Variants in DLEC1 observed in about 807,000 individuals in gnomAD.
DLEC1 encodes DLEC1 cilia and flagella associated protein.
A neutral mutation model predicts 198.1 loss-of-function variants in DLEC1; 146 were observed. The ratio of observed to expected loss-of-function variants is 0.74; its 90% CI spans 0.64 to 0.85. The LOEUF is 0.85. Among genes scored for constraint, DLEC1 ranks in the 40% least tolerant of loss-of-function variants. DLEC1 has a pLI of 0.00. For missense variants in DLEC1, 2,233 were observed against 2,220.0 expected, an observed-to-expected ratio of 1.01 and a Z score of -0.12; for synonymous variants, 897 against 866.8, an observed-to-expected ratio of 1.03 and a Z score of -0.61.
intron 3 of DLEC1, among the ~76,000 whole-genome samples, chr3:38,061,473 G>A (rs953189306): frequency 1.3e-5 from 2 of 152,142 alleles, no homozygotes; most frequent in East Asian, 1.9e-4. Flanking sequence ...GAGCCACTGC[G>A]CTTGGCCAGG....
chr3:38,090,369 AT>A (rs1377041852), intron 10 of DLEC1, among the ~76,000 whole-genome samples: 2 of 151,624 alleles, frequency 1.3e-5, no homozygotes, highest in Admixed American at 6.6e-5. Flanking sequence ...TTTTACCCCC[AT>A]TTTTTTCTTC....
At position 38,117,321 on chromosome 3, in the gene DLEC1, C is replaced by T. The variant is rs1177459137; in HGVS notation, c.4400+19C>T. 3.1e-6 allele frequency: 5 copies of T among 1,613,086 alleles called. No individual in the cohort carries two copies. Among genetic ancestry groups the T allele is most frequent in the African/African-American group, 1.3e-5 (1 of 74,998 alleles). ...CTGCACAGTGAGTCAGCTGGGGTGC[C>T]CCATCTCCTTTCATCCCCATGGGGT... On this transcript the variant is annotated intron_variant, in intron 31 of 36. Coordinates refer to ENST00000308059, the MANE Select transcript of DLEC1 (RefSeq NM_007335.4).
intron 16 of DLEC1, 32 bp from the exon 17 acceptor site, chr3:38,097,475 C>G: frequency 6.2e-7 from 1 of 1,612,616 alleles, no homozygotes; most frequent in Non-Finnish European, 8.5e-7. Context: ...TCTGCTTCTC[C>G]TCTCCACCTC....
At chr3:38,109,225 A>C (rs1312744303) in intron 21 of DLEC1, among the ~76,000 whole-genome samples, 2 of 152,206 alleles carry the variant, frequency 1.3e-5, no homozygotes, top group African/African-American at 4.8e-5. Context: ...TATTTGGGGC[A>C]GACTCAGACA....
At chr3:38,088,030 C>T (rs1270314933) in intron 9 of DLEC1, among the ~76,000 whole-genome samples, 1 of 152,220 alleles carries the variant, frequency 6.6e-6, no homozygotes, top group Non-Finnish European at 1.5e-5. Flanking sequence ...TGATGGTGTT[C>T]CTTGTACCTC....
intron 1 of DLEC1, among the ~76,000 whole-genome samples, chr3:38,042,329 A>G (rs966034825): frequency 6.6e-6 from 1 of 152,096 alleles, no homozygotes; most frequent in African/African-American, 2.4e-5. Flanking sequence ...CCATAGAACA[A>G]TGTTAGGATA....
At chr3:38,116,418 C>T in intron 27 of DLEC1, 35 bp from the exon 28 acceptor site, 1 of 1,612,318 alleles carries the variant, frequency 6.2e-7, no homozygotes, top group Non-Finnish European at 8.5e-7. Flanking sequence ...CTGCTCCTCC[C>T]TTATTCCTCA....
intron 11 of DLEC1, among the ~76,000 whole-genome samples, chr3:38,093,208 A>C (rs944963351): frequency 6.6e-6 from 1 of 152,164 alleles, no homozygotes; most frequent in South Asian, 2.1e-4. Context: ...GCTCACACAT[A>C]AACAGCCAGA....
At chr3:38,081,865 G>A (rs1269334072) in intron 6 of DLEC1, among the ~76,000 whole-genome samples, 13 of 141,060 alleles carry the variant, frequency 9.2e-5, no homozygotes, top group African/African-American at 2.7e-4. Context: ...CCTCCCTCCC[G>A]GATGGGGCGG....
chr3:38,122,464 C>T lies in DLEC1; in HGVS notation c.*52C>T, dbSNP rs1046114658. The T allele has an allele frequency of 6.2e-7, 1 of 1,613,734 alleles. No individual in the cohort carries two copies. The highest frequency in any genetic ancestry group is 8.5e-7 in the Non-Finnish European group (1 of 1,179,970). ...GCCCCAGCTGGAGAAAAAACATTGC[C>T]CAGGGATTAGGAGCAGCTCTTCAGC... is the stretch of plus-strand genomic sequence containing the variant. On this transcript the variant is annotated 3_prime_UTR_variant, in exon 37 of 37. Coordinates refer to ENST00000308059, the MANE Select transcript of DLEC1 (RefSeq NM_007335.4).
At chr3:38,107,781 C>A (rs2125717001) in intron 20 of DLEC1, 44 bp downstream of exon 20, 1 of 1,593,480 alleles carries the variant, frequency 6.3e-7, no homozygotes, top group Non-Finnish European at 8.6e-7. Context: ...CAGCCCTCAG[C>A]CACAGAGGCC....
In DLEC1 at chr3:38,112,293, C is replaced by T; in HGVS notation, c.3598C>T (p.Gln1200Ter). Reference protein sequence around the residue: ...FSQGMLGPYQQLCIDITGCAN... With the variant: ...FSQGMLGPYQ ...CCAGGGCATGCTGGGGCCCTACCAG[C>T]AGCTGTGCATTGACATCACAGGCTG... is the stretch of plus-strand genomic sequence containing the variant. The change falls in exon 25 of 37, where the codon CAG (glutamine) becomes TAG (stop). Residue 1200 changes from glutamine (Q) to a stop codon, truncating the protein, a stop_gained. Transcript: ENST00000308059. LOFTEE classifies it high-confidence loss of function. The surrounding 1 kb of genome is among the most constrained non-coding windows in gnomAD (Gnocchi z 4.8). 1 of 1,614,188 alleles carries T rather than the reference C, an allele frequency of 6.2e-7. No individual in the cohort carries two copies. Among genetic ancestry groups the T allele is most frequent in the South Asian group, 1.1e-5 (1 of 91,084 alleles).
At chr3:38,069,204 C>A (rs1030938918) in intron 6 of DLEC1, among the ~76,000 whole-genome samples, 1 of 152,098 alleles carries the variant, frequency 6.6e-6, no homozygotes, top group Admixed American at 6.5e-5. Flanking sequence ...CTCTTTAAAC[C>A]ATGTGGCTGT....
chr3:38,099,792 C>T (rs1005117065), intron 18 of DLEC1, among the ~76,000 whole-genome samples: 4 of 27,390 alleles, frequency 1.5e-4, no homozygotes, highest in African/African-American at 3.5e-4. Flanking sequence ...GGGGTGGGGG[C>T]GGGTAAATGA....
At chr3:38,078,578 G>A (rs998948667) in intron 6 of DLEC1, among the ~76,000 whole-genome samples, 22 of 152,192 alleles carry the variant, frequency 1.4e-4, no homozygotes, top group Non-Finnish European at 2.8e-4. Context: ...ATTATGCCGA[G>A]ATAGGTAACA....
At chr3:38,049,361 G>C (rs1310157668) in intron 2 of DLEC1, among the ~76,000 whole-genome samples, 4 of 152,082 alleles carry the variant, frequency 2.6e-5, no homozygotes, top group Non-Finnish European at 4.4e-5. Flanking sequence ...CTGGCAATGA[G>C]GACATTCCCC....
intron 2 of DLEC1, chr3:38,051,699 T>C: frequency 4.7e-6 from 1 of 212,372 alleles, no homozygotes; most frequent in South Asian, 9.4e-5. Flanking sequence ...ATGTTTACAG[T>C]ACCTTTAAAG....
At chr3:38,083,441 G>A (rs1335222056) in intron 6 of DLEC1, among the ~76,000 whole-genome samples, 4 of 152,114 alleles carry the variant, frequency 2.6e-5, no homozygotes, top group Non-Finnish European at 5.9e-5. Flanking sequence ...ACTTTCATAA[G>A]GTCACATCAT....
rs2125698609 is a variant in DLEC1, at chr3:38,097,292, A to C, written c.2434+17A>C. ...GGGTCATAGGTACCTTGGGGACTGC[A>C]GGAGGGGTTGTGACCTGCCTGGGGC... On this transcript the variant is annotated intron_variant, in intron 16 of 36. Coordinates refer to ENST00000308059, the MANE Select transcript of DLEC1 (RefSeq NM_007335.4). 2 of 1,567,950 alleles carry C rather than the reference A, an allele frequency of 1.3e-6. No individual in the cohort carries two copies. Among genetic ancestry groups the C allele is most frequent in the Non-Finnish European group, 1.7e-6 (2 of 1,155,236 alleles).
Sources: gnomAD v4.1 joint callset for allele counts (sites outside exome capture counted in the v4.1 genomes callset) on GRCh38, gnomAD v4.1.1 for gene constraint, Gnocchi (gnomAD v3.1) non-coding constraint, MANE v1.5 for transcripts, NCBI Gene and HGNC (gene_info 2026-07-23, HGNC 2026-07-21) for gene names.